The following ACAD11 variants were observed in gnomAD, a reference collection of about 807,000 sequenced individuals.
The protein encoded by ACAD11 is acyl-CoA dehydrogenase family member 11, also known as acyl-Coenzyme A dehydrogenase family, member 11.
In ACAD11, 83 loss-of-function variants were observed where a neutral mutation model predicts 102.2. That is an observed-to-expected ratio of 0.81 (90% CI 0.68 to 0.97). The LOEUF is 0.97. Among genes scored for constraint, ACAD11 ranks in the 50% least tolerant of loss-of-function variants. The pLI, the probability that ACAD11 is intolerant of heterozygous loss-of-function variation, is 0.00. For synonymous variants in ACAD11, 324 were observed against 319.8 expected (o/e 1.01, Z -0.14); for missense variants, 901 against 951.7 (o/e 0.95, Z 0.70).
intron 1 of ACAD11, chr3:132,659,394 T>C (rs1938001521): frequency 3.3e-6 from 2 of 602,550 alleles, no homozygotes; most frequent in Non-Finnish European, 2.8e-6. Context: ...GTGAACGTTA[T>C]TGCGCTTCCA....
Position 132,575,938 on chromosome 3 carries a change from G to A in ACAD11, c.1847-12C>T, listed in dbSNP as rs905714647. ...TCCCCTACCTTCACCTGGGAAGAAA[G>A]GGGAAAAAAAGGGGGAATGTGAAAA... On this transcript the variant is annotated splice_polypyrimidine_tract_variant and intron_variant, in intron 16 of 19. Transcript: ENST00000264990. 1.2e-6 allele frequency: 2 copies of A among 1,607,170 alleles called. No homozygotes were observed. The highest frequency in any genetic ancestry group is 1.1e-5 in the South Asian group (1 of 89,344).
intron 1 of ACAD11, among the ~76,000 whole-genome samples, chr3:132,645,465 T>C (rs1394903242): frequency 6.6e-6 from 1 of 152,160 alleles, no homozygotes; most frequent in Non-Finnish European, 1.5e-5. Flanking sequence ...ACCAGGGCAT[T>C]GACTTTCCCT....
chr3:132,590,208 T>C lies in ACAD11; in HGVS notation c.1622-10650A>G, dbSNP rs142175298. Among the ~76,000 whole-genome samples, 71 of 152,330 alleles carry C rather than the reference T, an allele frequency of 4.7e-4. No individual in the cohort carries two copies. In the East Asian group the frequency reaches 0.013, roughly 29 times the overall value. Reference sequence around the variant, plus strand: ...AATAATTTCTGTTCCTTTGGGTATATACCCAGTAATGGGATTGCTGGGTTG... The same window carrying C: ...AATAATTTCTGTTCCTTTGGGTATACACCCAGTAATGGGATTGCTGGGTTG... On this transcript the variant is annotated intron_variant, in intron 13 of 19. Transcript: ENST00000264990.
intron 13 of ACAD11, among the ~76,000 whole-genome samples, chr3:132,597,068 T>C (rs1314596403): frequency 6.6e-6 from 1 of 152,170 alleles, no homozygotes; most frequent in Non-Finnish European, 1.5e-5. Context: ...GTGGAAACTA[T>C]GAAAGGTCTA....
At chr3:132,642,245 A>G (rs1220890276) in intron 3 of ACAD11, 112 bp from the exon 4 acceptor site, 1 of 1,018,338 alleles carries the variant, frequency 9.8e-7, no homozygotes, top group Non-Finnish European at 1.4e-6. Flanking sequence ...TATACATGCC[A>G]AAGGGAAAAT....
intron 17 of ACAD11, among the ~76,000 whole-genome samples, chr3:132,567,655 G>T (rs1049970565): frequency 2.0e-5 from 3 of 152,126 alleles, no homozygotes; most frequent in Admixed American, 6.5e-5. Context: ...TGATAAAGTG[G>T]ATTAAAAATA....
intron 8 of ACAD11, among the ~76,000 whole-genome samples, chr3:132,627,338 T>C (rs1411428090): frequency 6.6e-6 from 1 of 152,178 alleles, no homozygotes; most frequent in Non-Finnish European, 1.5e-5. Flanking sequence ...AATGTGTCTG[T>C]GTGCCTAATT....
At chr3:132,624,310 GAAA>G (rs60100904) in intron 9 of ACAD11, among the ~76,000 whole-genome samples, 2 of 129,094 alleles carry the variant, frequency 1.5e-5, no homozygotes, top group Non-Finnish European at 1.7e-5. Context: ...TCTCTTGAAG[GAAA>G]AAAAAAAAAA....
rs928471561 is a variant in ACAD11, at chr3:132,610,017, A to G, written c.1415-4812T>C. On this transcript the variant is annotated intron_variant, in intron 11 of 19. Transcript: ENST00000264990. ...GTAATCCATCACATAAACAGAACCA[A>G]TGACAAAAACCACATGATTATCTCA... 3.3e-5 allele frequency among the ~76,000 whole-genome samples: 5 copies of G among 152,218 alleles called. No homozygotes were observed. In the South Asian group the frequency reaches 6.2e-4, roughly 19 times the overall value.
intron 2 of ACAD11, among the ~76,000 whole-genome samples, chr3:132,644,421 T>C (rs1219826164): frequency 1.3e-5 from 2 of 152,152 alleles, no homozygotes; most frequent in Non-Finnish European, 2.9e-5. Flanking sequence ...GCAAATATAT[T>C]AAAATAATTC....
chr3:132,578,122 G>A (rs1382805805), intron 15 of ACAD11, among the ~76,000 whole-genome samples: 2 of 152,194 alleles, frequency 1.3e-5, no homozygotes, highest in East Asian at 1.9e-4. Context: ...ACTTTGGGAG[G>A]CCGAGGAGGG....
intron 17 of ACAD11, 83 bp downstream of exon 17, chr3:132,575,689 C>A: frequency 6.5e-7 from 1 of 1,528,754 alleles, no homozygotes. Context: ...TAGAGAAAGT[C>A]TGTCTCTCAC....
At chr3:132,628,315 T>G in intron 8 of ACAD11, 25 bp downstream of exon 8, 1 of 1,558,598 alleles carries the variant, frequency 6.4e-7, no homozygotes, top group Non-Finnish European at 8.8e-7. Context: ...TAATTTGAGT[T>G]AGCCAAGGAA....
intron 2 of ACAD11, among the ~76,000 whole-genome samples, chr3:132,644,357 A>G (rs1254402918): frequency 6.6e-6 from 1 of 152,178 alleles, no homozygotes; most frequent in Admixed American, 6.5e-5. Context: ...GAGTACTATA[A>G]AATACTTATT....
chr3:132,590,818 T>G (rs370530045), intron 13 of ACAD11, among the ~76,000 whole-genome samples: 50 of 152,342 alleles, frequency 3.3e-4, no homozygotes, highest in African/African-American at 7.7e-4. Flanking sequence ...TTTGAAAAGT[T>G]TCTGTTCATG....
rs900992572 is a variant in ACAD11 at position 132,568,590 on chromosome 3, T to C, written c.2001+7182A>G. Reference sequence around the variant, plus strand: ...TAAACTGAGAGGAATCAGCCTAGCTTATTTGAAGACTGACTATGTAACCAC... The same window carrying C: ...TAAACTGAGAGGAATCAGCCTAGCTCATTTGAAGACTGACTATGTAACCAC... On this transcript the variant is annotated intron_variant, in intron 17 of 19. Coordinates refer to ENST00000264990, the MANE Select transcript of ACAD11 (RefSeq NM_032169.5). 8.5e-5 allele frequency among the ~76,000 whole-genome samples: 13 copies of C among 152,280 alleles called. 1 individual carries two copies. The highest frequency in any genetic ancestry group is 7.8e-4 in the Admixed American group (12 of 15,298).
At chr3:132,636,435 T>C (rs542147965) in intron 5 of ACAD11, among the ~76,000 whole-genome samples, 7 of 152,138 alleles carry the variant, frequency 4.6e-5, no homozygotes, top group Non-Finnish European at 8.8e-5. Flanking sequence ...TGTATGTGTA[T>C]TGGCATTCGA....
At chr3:132,567,226 G>A (rs548122179) in intron 17 of ACAD11, among the ~76,000 whole-genome samples, 35 of 152,226 alleles carry the variant, frequency 2.3e-4, no homozygotes, top group Non-Finnish European at 4.1e-4. Flanking sequence ...TGATCCACCC[G>A]CCATGGCCTC....
At chr3:132,635,543 T>C (rs757176267) in intron 5 of ACAD11, among the ~76,000 whole-genome samples, 4 of 152,170 alleles carry the variant, frequency 2.6e-5, no homozygotes, top group Non-Finnish European at 4.4e-5. Context: ...AGCTCTACCA[T>C]TTGCTGGCTG....
Sources: allele counts gnomAD v4.1 joint callset (sites outside exome capture counted in the v4.1 genomes callset), GRCh38; gene constraint gnomAD v4.1.1; transcripts MANE v1.5; gene names NCBI Gene and HGNC (gene_info 2026-07-23, HGNC 2026-07-21).